The following KIAA1217 variants were observed in gnomAD, a reference collection of about 807,000 sequenced individuals.
KIAA1217 encodes the protein sickle tail protein homolog.
A neutral mutation model predicts 163.9 loss-of-function variants in KIAA1217; 88 were observed. The observed-to-expected ratio is 0.54, with a 90% confidence interval of 0.45 to 0.64. The LOEUF (loss-of-function observed/expected upper bound fraction) is 0.64, where lower values mean the gene tolerates loss of function less well. KIAA1217 is among the 30% of genes least tolerant of loss of function. KIAA1217 has a pLI of 0.00. For missense variants in KIAA1217, 2,372 were observed against 2,475.0 expected (o/e 0.96, Z 0.88); for synonymous variants, 903 against 923.1 (o/e 0.98, Z 0.39).
chr10:23,867,374 G>C (rs1840245250), intron 1 of KIAA1217, among the ~76,000 whole-genome samples: 1 of 151,968 alleles, frequency 6.6e-6, no homozygotes, highest in Non-Finnish European at 1.5e-5. Flanking sequence ...CCAGTAATGG[G>C]ATGGCTGGGT....
At chr10:23,945,033 T>C (rs1264283842) in intron 1 of KIAA1217, among the ~76,000 whole-genome samples, 3 of 143,346 alleles carry the variant, frequency 2.1e-5, no homozygotes, top group Non-Finnish European at 4.5e-5. Context: ...CACTCCAGCC[T>C]GGGCAACAGA....
chr10:24,544,863 T>C lies in KIAA1217; in HGVS notation c.5212-118T>C, dbSNP rs556868622. On this transcript the variant is annotated intron_variant, in intron 19 of 20. Coordinates refer to ENST00000376454, the MANE Select transcript of KIAA1217 (RefSeq NM_019590.5). The stretch of plus-strand genomic sequence containing the variant: ...CAGTTGGTGTCTCCTAGATCTGTCC[T>C]GCATGTAGGGCTGTGGCTTCTCACC... 30 of 1,104,184 alleles carry C rather than the reference T, an allele frequency of 2.7e-5. No individual in the cohort carries two copies. In the African/African-American group the frequency reaches 4.4e-4, roughly 16 times the overall value. The allele number at this position is 1,104,184 out of a possible 1,614,324, so 68.4% of individuals were successfully genotyped here.
chr10:24,475,800 G>A (rs146118031), intron 6 of KIAA1217, among the ~76,000 whole-genome samples: 33 of 152,306 alleles, frequency 2.2e-4, no homozygotes, highest in African/African-American at 7.0e-4. Flanking sequence ...CAAGATGTGC[G>A]ATAAGTCTTG....
chr10:23,822,382 T>A (rs1029749416), intron 1 of KIAA1217, among the ~76,000 whole-genome samples: 2 of 152,234 alleles, frequency 1.3e-5, no homozygotes, highest in African/African-American at 4.8e-5. Flanking sequence ...ACATAAACTT[T>A]ATTTTAATAA....
intron 1 of KIAA1217, among the ~76,000 whole-genome samples, chr10:23,746,309 A>G (rs1839413933): frequency 6.6e-6 from 1 of 152,224 alleles, no homozygotes; most frequent in Admixed American, 6.5e-5. Flanking sequence ...AAGCAGCTGA[A>G]GCTTCCCCAG....
intron 2 of KIAA1217, among the ~76,000 whole-genome samples, chr10:24,275,297 AG>A (rs1398301022): frequency 6.6e-6 from 1 of 152,164 alleles, no homozygotes; most frequent in Non-Finnish European, 1.5e-5. Context: ...CATTTTAAAT[AG>A]TGAAGTCACT....
Position 24,498,195 on chromosome 10 carries a change from G to T in KIAA1217, c.1834+2999G>T, listed in dbSNP as rs569847934. On this transcript the variant is annotated intron_variant, in intron 8 of 20. Coordinates refer to ENST00000376454, the MANE Select transcript of KIAA1217 (RefSeq NM_019590.5). ...GTGGCCTCCCTAGAAAGTATGTCCAGCAAGAAGAGAAGTGGACCCAGGGAC... is the reference window on the plus strand; with the variant it reads ...GTGGCCTCCCTAGAAAGTATGTCCATCAAGAAGAGAAGTGGACCCAGGGAC... Among the ~76,000 whole-genome samples the T allele has an allele frequency of 2.6e-5, 4 of 152,250 alleles. No homozygotes were observed. The East Asian group carries it at 7.7e-4, about 29-fold the overall frequency.
intron 9 of KIAA1217, among the ~76,000 whole-genome samples, chr10:24,504,350 A>G (rs1292068096): frequency 6.6e-6 from 1 of 152,190 alleles, no homozygotes; most frequent in Non-Finnish European, 1.5e-5. Context: ...AGGGAAAAAT[A>G]AGCATGGTGT....
rs534290863 is a variant in KIAA1217 at position 23,730,147 on chromosome 10, C to T, written c.-321+34913C>T. 1.3e-3 allele frequency among the ~76,000 whole-genome samples: 196 copies of T among 152,170 alleles called. 4 individuals carry two copies. Among genetic ancestry groups the T allele is most frequent in the Non-Finnish European group, 1.4e-3 (98 of 68,010 alleles). On this transcript the variant is annotated intron_variant, in intron 1 of 18. Transcript: ENST00000376462. The stretch of plus-strand genomic sequence containing the variant: ...CAATCTCCTGACCTCGTGATCTGCC[C>T]GCCTCGGCCTCCCAAAGTGCTGGGA...
chr10:23,891,047 C>T (rs951980115), intron 1 of KIAA1217, among the ~76,000 whole-genome samples: 3 of 151,792 alleles, frequency 2.0e-5, no homozygotes, highest in Admixed American at 1.3e-4. Flanking sequence ...TTTTAATAGC[C>T]TCATCATCTT....
intron 1 of KIAA1217, among the ~76,000 whole-genome samples, chr10:23,788,353 A>C (rs1362078411): frequency 2.0e-5 from 3 of 152,212 alleles, no homozygotes; most frequent in Non-Finnish European, 2.9e-5. Flanking sequence ...TTTATTTGCC[A>C]AGGAGTTCTC....
chr10:24,071,853 T>C (rs1184525380), intron 2 of KIAA1217, among the ~76,000 whole-genome samples: 1 of 152,136 alleles, frequency 6.6e-6, no homozygotes, highest in Non-Finnish European at 1.5e-5. Context: ...GAGGGACAGA[T>C]AGTAGAGAGG....
At chr10:24,216,159 T>A (rs1177372034) in intron 1 of KIAA1217, among the ~76,000 whole-genome samples, 1 of 152,152 alleles carries the variant, frequency 6.6e-6, no homozygotes, top group Non-Finnish European at 1.5e-5. Context: ...AAGATTAATG[T>A]GGACTGAAGA....
chr10:23,929,520 G>C (rs868802023), intron 1 of KIAA1217, among the ~76,000 whole-genome samples: 1 of 152,050 alleles, frequency 6.6e-6, no homozygotes, highest in Non-Finnish European at 1.5e-5. Context: ...AAGTCCACGT[G>C]TACCCAGTGT....
intron 16 of KIAA1217, among the ~76,000 whole-genome samples, chr10:24,533,960 A>G (rs1385804786): frequency 2.0e-5 from 3 of 152,212 alleles, no homozygotes. Flanking sequence ...AGACATATAA[A>G]CAATTCCTAG....
At chr10:23,821,676 A>G (rs894937029) in intron 1 of KIAA1217, among the ~76,000 whole-genome samples, 2 of 152,216 alleles carry the variant, frequency 1.3e-5, no homozygotes, top group Admixed American at 6.5e-5. Flanking sequence ...CACAACAAAT[A>G]CAAAAACATT....
chr10:24,216,107 CAG>C (rs2068780030), intron 1 of KIAA1217, among the ~76,000 whole-genome samples: 2 of 152,118 alleles, frequency 1.3e-5, no homozygotes, highest in South Asian at 2.1e-4. Context: ...AGGAAAAAAA[CAG>C]GGGTCTGATG....
chr10:23,726,170 TA>T (rs1350073303), intron 1 of KIAA1217, among the ~76,000 whole-genome samples: 4 of 152,252 alleles, frequency 2.6e-5, no homozygotes, highest in East Asian at 3.9e-4. Flanking sequence ...CATGGGGTTT[TA>T]AATTCATCTT....
intron 1 of KIAA1217, among the ~76,000 whole-genome samples, chr10:23,969,081 C>A (rs1030826882): frequency 1.3e-5 from 2 of 152,150 alleles, no homozygotes; most frequent in South Asian, 2.1e-4. Flanking sequence ...GTTGCCCAAA[C>A]TGGAGTGCAA....
Sources: gnomAD v4.1 joint callset for allele counts (sites outside exome capture counted in the v4.1 genomes callset) on GRCh38, gnomAD v4.1.1 for gene constraint, MANE v1.5 for transcripts, NCBI Gene and HGNC (gene_info 2026-07-23, HGNC 2026-07-21) for gene names.